Variants in NBAS observed in about 807,000 individuals in gnomAD.
The protein encoded by NBAS is NAG/BC035112 fusion.
NBAS carries 219 observed loss-of-function variants against 302.5 expected under a neutral mutation model. The observed-to-expected ratio is 0.72, with a 90% CI of 0.65 to 0.81. NBAS has a LOEUF of 0.81. Ranked by LOEUF, NBAS falls within the 30% of genes least tolerant of loss-of-function variation. The probability of loss-of-function intolerance (pLI) is 0.00; values close to 1 mark genes in which losing one functional copy is unlikely to be tolerated. For missense variants in NBAS, 2,932 were observed against 2,841.6 expected (o/e 1.03, Z -0.72); for synonymous variants, 1,118 against 1,021.6 (o/e 1.09, Z -1.80).
chr2:15,052,788 C>T, the NBAS span, among the ~76,000 whole-genome samples: 2 of 152,220 alleles, frequency 1.3e-5, no homozygotes, highest in Admixed American at 6.5e-5. Context: ...AATGTTAACA[C>T]TTAATAGCCT....
chr2:15,206,204 T>C (rs893207630), intron 48 of NBAS, among the ~76,000 whole-genome samples: 1 of 152,210 alleles, frequency 6.6e-6, no homozygotes, highest in Non-Finnish European at 1.5e-5. Context: ...TAAAGGTCAC[T>C]CTTGCTATGC....
chr2:14,996,752 A>G, the NBAS span, among the ~76,000 whole-genome samples: 1 of 152,188 alleles, frequency 6.6e-6, no homozygotes, highest in South Asian at 2.1e-4. Context: ...CTGATATTGT[A>G]AGAGAATCTT....
the NBAS span, among the ~76,000 whole-genome samples, chr2:15,095,177 G>A: frequency 6.6e-6 from 1 of 152,078 alleles, no homozygotes; most frequent in African/African-American, 2.4e-5. Context: ...TCTGCAACTT[G>A]TTTTTCTCAT....
intron 23 of NBAS, among the ~76,000 whole-genome samples, chr2:15,424,064 G>A (rs750574473): frequency 3.3e-5 from 5 of 152,124 alleles, no homozygotes; most frequent in African/African-American, 4.8e-5. Flanking sequence ...GAAAACAAGG[G>A]ACAGTATGTA....
chr2:15,352,863 C>T (rs888246646), intron 34 of NBAS, among the ~76,000 whole-genome samples: 1 of 152,032 alleles, frequency 6.6e-6, no homozygotes, highest in Admixed American at 6.6e-5. Context: ...TATAGGGAAA[C>T]TGTCTTTCCC....
intron 44 of NBAS, among the ~76,000 whole-genome samples, chr2:15,243,535 A>T (rs1337114903): frequency 1.3e-5 from 2 of 151,906 alleles, no homozygotes; most frequent in Non-Finnish European, 2.9e-5. Flanking sequence ...AGGTACCAAG[A>T]GGGAGGCAAT....
At chr2:15,294,089 A>T (rs1670440843) in intron 40 of NBAS, among the ~76,000 whole-genome samples, 1 of 152,226 alleles carries the variant, frequency 6.6e-6, no homozygotes, top group Non-Finnish European at 1.5e-5. Context: ...ATTCACTAAG[A>T]GGACACGGCC....
intron 35 of NBAS, 67 bp from the exon 36 acceptor site, chr2:15,330,832 A>C: frequency 6.6e-7 from 1 of 1,507,916 alleles, no homozygotes; most frequent in Non-Finnish European, 9.1e-7. Flanking sequence ...AGACAGTGAT[A>C]ATGTGACTGC....
intron 38 of NBAS, among the ~76,000 whole-genome samples, chr2:15,324,499 T>C (rs1000204697): frequency 5.3e-5 from 8 of 152,158 alleles, no homozygotes; most frequent in African/African-American, 1.9e-4. Context: ...CCCTTATTCA[T>C]CCTTCCAAGT....
the NBAS span, among the ~76,000 whole-genome samples, chr2:14,955,591 T>G: frequency 2.6e-5 from 4 of 152,312 alleles, no homozygotes; most frequent in African/African-American, 4.8e-5. Context: ...TCCTCTAAGA[T>G]CTAGGCAGAG....
At chr2:15,022,405 C>A in the NBAS span, among the ~76,000 whole-genome samples, 637 of 152,292 alleles carry the variant, frequency 4.2e-3, 2 homozygotes, top group African/African-American at 0.015. Context: ...AGCAATCTTA[C>A]TACCCAAAAT....
chr2:14,824,566 G>A, the NBAS span, among the ~76,000 whole-genome samples: 5 of 152,222 alleles, frequency 3.3e-5, no homozygotes, highest in South Asian at 1.0e-3. Context: ...AAGGGCATCA[G>A]CAGCAGCTTA....
the NBAS span, among the ~76,000 whole-genome samples, chr2:15,059,666 AC>A: frequency 6.6e-6 from 1 of 152,182 alleles, no homozygotes; most frequent in Admixed American, 6.5e-5. Context: ...TAGCAAGTGT[AC>A]CCAGAGAAAG....
chr2:15,255,945 A>C (rs1482675386), intron 44 of NBAS, among the ~76,000 whole-genome samples: 2 of 151,878 alleles, frequency 1.3e-5, no homozygotes, highest in Non-Finnish European at 2.9e-5. Flanking sequence ...CTGTTTTGGT[A>C]ACTATTAATA....
At chr2:15,370,332 T>C (rs1186563645) in intron 31 of NBAS, among the ~76,000 whole-genome samples, 1 of 152,158 alleles carries the variant, frequency 6.6e-6, no homozygotes, top group African/African-American at 2.4e-5. Flanking sequence ...CTCGCTCTAT[T>C]GCCCAGGCTC....
intron 44 of NBAS, among the ~76,000 whole-genome samples, chr2:15,239,644 A>C (rs912645429): frequency 2.6e-5 from 4 of 151,858 alleles, no homozygotes; most frequent in Non-Finnish European, 5.9e-5. Context: ...CTGTACATGC[A>C]TATAAAGTAT....
the NBAS span, among the ~76,000 whole-genome samples, chr2:15,161,626 C>T: frequency 2.0e-5 from 3 of 152,206 alleles, no homozygotes; most frequent in African/African-American, 4.8e-5. Flanking sequence ...GTGGCCTCCA[C>T]ACCTGAGCCT....
At chr2:15,009,239 G>A in the NBAS span, among the ~76,000 whole-genome samples, 2 of 152,082 alleles carry the variant, frequency 1.3e-5, no homozygotes, top group Non-Finnish European at 1.5e-5. Flanking sequence ...AGCAATCCCA[G>A]GCACAAATGG....
At chr2:15,436,232 TAAGAGG>T (rs997512422) in intron 21 of NBAS, among the ~76,000 whole-genome samples, 48 of 152,360 alleles carry the variant, frequency 3.2e-4, no homozygotes, top group East Asian at 1.2e-3. Context: ...AAAGTCAACG[TAAGAGG>T]AAGACTACAT....
Sources: gnomAD v4.1 joint callset for allele counts (sites outside exome capture counted in the v4.1 genomes callset) on GRCh38, gnomAD v4.1.1 for gene constraint, MANE v1.5 for transcripts, NCBI Gene and HGNC (gene_info 2026-07-23, HGNC 2026-07-21) for gene names.